The following FBXW11 variants were observed in gnomAD, a reference collection of about 807,000 sequenced individuals.
The protein encoded by FBXW11 is F-box and WD repeat domain containing 11.
FBXW11 carries 19 observed loss-of-function variants against 77.6 expected under a neutral mutation model. The observed-to-expected ratio is 0.24, with a 90% CI of 0.17 to 0.36. The LOEUF is 0.36. FBXW11 is among the 10% of genes least tolerant of loss of function. FBXW11 has a pLI of 1.00. For synonymous variants in FBXW11, 235 were observed against 249.4 expected, an observed-to-expected ratio of 0.94 and a Z score of 0.54; for missense variants, 334 against 704.2, an observed-to-expected ratio of 0.47 and a Z score of 5.95.
At chr5:171,914,920 G>A (rs1761129904) in intron 2 of FBXW11, among the ~76,000 whole-genome samples, 1 of 152,196 alleles carries the variant, frequency 6.6e-6, no homozygotes, top group Non-Finnish European at 1.5e-5. Context: ...AAGCATAGCG[G>A]GTGCCCCAAC....
intron 9 of FBXW11, among the ~76,000 whole-genome samples, chr5:171,873,947 C>A (rs984997867): frequency 6.6e-6 from 1 of 152,130 alleles, no homozygotes; most frequent in South Asian, 2.1e-4. Context: ...ATACCTTAAA[C>A]AAAAATTTAA....
intron 6 of FBXW11, among the ~76,000 whole-genome samples, chr5:171,895,563 GGAAGAA>G (rs1339059057): frequency 1.3e-5 from 2 of 152,150 alleles, no homozygotes; most frequent in Admixed American, 6.5e-5. Context: ...AATGAAGAGA[GGAAGAA>G]GGTAGATTAC....
At chr5:171,916,889 T>G (rs1468463141) in intron 2 of FBXW11, among the ~76,000 whole-genome samples, 2 of 152,104 alleles carry the variant, frequency 1.3e-5, no homozygotes, top group African/African-American at 4.8e-5. Flanking sequence ...TATATGGTTT[T>G]GTTTTGTTTT....
intron 2 of FBXW11, among the ~76,000 whole-genome samples, chr5:171,952,738 C>A (rs1763412172): frequency 6.6e-6 from 1 of 151,742 alleles, no homozygotes; most frequent in Non-Finnish European, 1.5e-5. Flanking sequence ...GCGTGAGCCA[C>A]CGCGCCCAGC....
At chr5:171,988,101 T>C (rs1031851094) in intron 1 of FBXW11, among the ~76,000 whole-genome samples, 3 of 152,186 alleles carry the variant, frequency 2.0e-5, no homozygotes, top group African/African-American at 4.8e-5. Flanking sequence ...TCTCTAATAT[T>C]ACATCTGAAT....
At chr5:171,945,606 A>T (rs1762966492) in intron 2 of FBXW11, among the ~76,000 whole-genome samples, 1 of 152,224 alleles carries the variant, frequency 6.6e-6, no homozygotes, top group African/African-American at 2.4e-5. Flanking sequence ...AGTTCCCTAC[A>T]TACTTATAGT....
At chr5:171,997,514 T>C (rs1012862448) in intron 1 of FBXW11, among the ~76,000 whole-genome samples, 2 of 152,244 alleles carry the variant, frequency 1.3e-5, no homozygotes, top group South Asian at 2.1e-4. Flanking sequence ...CAAAATGTTT[T>C]GGTTTGCTAC....
rs1761094516 is a variant in FBXW11 at position 171,914,372 on chromosome 5, C to T, written c.181G>A (p.Glu61Lys). 6.2e-7 allele frequency: 1 copy of T among 1,605,962 alleles called. No homozygotes were observed. The highest frequency in any genetic ancestry group is 8.5e-7 in the Non-Finnish European group (1 of 1,176,982). Reference protein sequence around the residue: ...TSVMEDQNEDESPKKNTLWQI... With the variant: ...TSVMEDQNEDKSPKKNTLWQI... ...CAAAGAGTATTTTTCTTTGGGGACT[C>T]ATCTTCATTTTGATCTTCCATAACT... is the stretch of plus-strand genomic sequence containing the variant. The change falls in exon 3 of 14, where the codon GAG (glutamate) becomes AAG (lysine). Residue 61 changes from glutamate to lysine, a missense_variant. By Grantham distance (56) the Glu-to-Lys change is moderately conservative. Around this residue, in one of 10 missense-constraint regions of FBXW11, gnomAD observed 80 missense variants for 105.1 expected, o/e 0.76. Transcript: ENST00000517395.
chr5:172,001,587 A>G (rs1220092147), intron 1 of FBXW11, among the ~76,000 whole-genome samples: 1 of 152,256 alleles, frequency 6.6e-6, no homozygotes, highest in East Asian at 1.9e-4. Flanking sequence ...ACAGGTAACT[A>G]TATTACAAGC....
chr5:171,917,486 A>G (rs1201015671), intron 2 of FBXW11, among the ~76,000 whole-genome samples: 1 of 152,206 alleles, frequency 6.6e-6, no homozygotes, highest in Non-Finnish European at 1.5e-5. Context: ...CTATTGCCTT[A>G]AGGCTTCATA....
rs1213087169 is a variant in FBXW11 at position 171,964,161 on chromosome 5, T to C, written c.46-6463A>G. On this transcript the variant is annotated intron_variant, in intron 1 of 13. Coordinates refer to ENST00000517395, the MANE Select transcript of FBXW11 (RefSeq NM_001378974.1). The stretch of plus-strand genomic sequence containing the variant: ...TACAAACAATGCAATTTCTTTCAGA[T>C]GGGCTACAAAGAGTAGACACAAGAA... Among the ~76,000 whole-genome samples the C allele has an allele frequency of 2.0e-5, 3 of 152,248 alleles. No homozygotes were observed. In the East Asian group the frequency reaches 5.8e-4, roughly 29 times the overall value.
chr5:171,945,089 G>A (rs935587360), intron 2 of FBXW11, among the ~76,000 whole-genome samples: 2 of 152,148 alleles, frequency 1.3e-5, no homozygotes, highest in African/African-American at 4.8e-5. Flanking sequence ...CAACAGACAG[G>A]AGGAAAACAA....
In FBXW11 at chr5:171,932,729, C is replaced by T. The variant is rs558183183; in HGVS notation, c.148-18324G>A. Among the ~76,000 whole-genome samples, 152 of 152,058 alleles carry T rather than the reference C, an allele frequency of 1.0e-3. 1 individual carries two copies. The highest frequency in any genetic ancestry group is 1.4e-3 in the Non-Finnish European group (93 of 67,976). On this transcript the variant is annotated intron_variant, in intron 2 of 13. Coordinates refer to ENST00000517395, the MANE Select transcript of FBXW11 (RefSeq NM_001378974.1). ...GTCCAAATGAAGTGAAAACTAATAT[C>T]CACAGAAAAACCTTAACATGGCTGT...
At chr5:171,920,758 GT>G (rs531599690) in intron 2 of FBXW11, among the ~76,000 whole-genome samples, 174 of 152,158 alleles carry the variant, frequency 1.1e-3, no homozygotes, top group African/African-American at 4.0e-3. Flanking sequence ...CATATAGTGT[GT>G]TTTTTTAATA....
chr5:171,967,405 C>T (rs1288701608), intron 1 of FBXW11, among the ~76,000 whole-genome samples: 2 of 151,956 alleles, frequency 1.3e-5, no homozygotes, highest in African/African-American at 2.4e-5. Context: ...TCATGCTATA[C>T]GAATATATTT....
At chr5:172,002,229 C>G (rs1384480456) in intron 1 of FBXW11, among the ~76,000 whole-genome samples, 1 of 152,106 alleles carries the variant, frequency 6.6e-6, no homozygotes, top group Non-Finnish European at 1.5e-5. Flanking sequence ...GGCTAGCTCC[C>G]TATTTGCAGG....
At chr5:172,001,597 C>G (rs769462955) in intron 1 of FBXW11, among the ~76,000 whole-genome samples, 3 of 152,114 alleles carry the variant, frequency 2.0e-5, no homozygotes, top group African/African-American at 7.2e-5. Context: ...ATATTACAAG[C>G]CTGAAATATG....
intron 4 of FBXW11, among the ~76,000 whole-genome samples, chr5:171,908,048 A>G (rs1400578049): frequency 6.6e-6 from 1 of 152,216 alleles, no homozygotes; most frequent in Admixed American, 6.5e-5. Context: ...GAGAAAAATG[A>G]AGGCATCCTC....
intron 1 of FBXW11, among the ~76,000 whole-genome samples, chr5:171,972,891 T>C (rs982086667): frequency 3.9e-5 from 6 of 152,202 alleles, no homozygotes; most frequent in Non-Finnish European, 5.9e-5. Context: ...AAATGTGTCA[T>C]CATTGACTTT....
Sources: gnomAD v4.1 joint callset for allele counts (sites outside exome capture counted in the v4.1 genomes callset) on GRCh38, gnomAD v4.1.1 for gene constraint, gnomAD v4.1.1 regional missense constraint, MANE v1.5 for transcripts, NCBI Gene and HGNC (gene_info 2026-07-23, HGNC 2026-07-21) for gene names.